The following PTPN4 variants were observed in gnomAD, a reference collection of about 807,000 sequenced individuals.
PTPN4 encodes the protein protein tyrosine phosphatase non-receptor type 4.
In PTPN4, 49 loss-of-function variants were observed where a neutral mutation model predicts 135.5. The ratio of observed to expected loss-of-function variants is 0.36; its 90% CI spans 0.29 to 0.46. The LOEUF is 0.46. PTPN4 is among the 20% of genes least tolerant of loss of function. PTPN4 has a pLI of 1.00. For synonymous variants in PTPN4, 333 were observed against 369.9 expected (o/e 0.90, Z 1.14); for missense variants, 860 against 1,101.0 (o/e 0.78, Z 3.10).
chr2:119,887,833 G>T (rs547725164), intron 9 of PTPN4, among the ~76,000 whole-genome samples: 1 of 151,984 alleles, frequency 6.6e-6, no homozygotes, highest in Non-Finnish European at 1.5e-5. Flanking sequence ...TTTTTGCTCC[G>T]GATTGCTTTG....
rs1341798709 is a variant in PTPN4, at chr2:119,932,491, G to A, written c.1138G>A (p.Asp380Asn). ...AGTAGTAAGCAGAAATTCAATATCT[G>A]ATGACAGGTTAGAAACACAAAGTCT... ...WEVVSRNSIS[D>N]DRLETQSLPS... The change falls in exon 14 of 27, where the codon GAT (aspartate) becomes AAT (asparagine). Residue 380 changes from aspartate to asparagine, a missense_variant. Asp to Asn is a conservative substitution (Grantham distance 23). Coordinates refer to ENST00000263708, the MANE Select transcript of PTPN4 (RefSeq NM_002830.4). 1 of 1,611,804 alleles carries A rather than the reference G, an allele frequency of 6.2e-7. No individual in the cohort carries two copies. Among genetic ancestry groups the A allele is most frequent in the Non-Finnish European group, 8.5e-7 (1 of 1,178,218 alleles).
intron 2 of PTPN4, among the ~76,000 whole-genome samples, chr2:119,810,925 A>G (rs1220655723): frequency 6.6e-6 from 1 of 152,126 alleles, no homozygotes; most frequent in Admixed American, 6.5e-5. Context: ...AAATAATAAT[A>G]TATGCAGTCT....
At chr2:119,939,408 C>T (rs1323343450) in intron 15 of PTPN4, among the ~76,000 whole-genome samples, 2 of 152,138 alleles carry the variant, frequency 1.3e-5, no homozygotes. Context: ...TCAAGTAATC[C>T]TCCCACCTCA....
intron 26 of PTPN4, among the ~76,000 whole-genome samples, chr2:119,976,689 T>TGAA (rs1469350259): frequency 7.9e-5 from 12 of 152,204 alleles, no homozygotes; most frequent in Non-Finnish European, 1.3e-4. Flanking sequence ...GATTGCTGGG[T>TGAA]GAAGAGGTAA....
intron 1 of PTPN4, among the ~76,000 whole-genome samples, chr2:119,790,523 G>T (rs1338981820): frequency 1.1e-4 from 16 of 151,516 alleles, no homozygotes. Flanking sequence ...TAGCTCTGTT[G>T]TTACTTTTTT....
rs1679655346 is a variant in PTPN4 at position 119,978,958 on chromosome 2, A to G, written c.*1888A>G. On this transcript the variant is annotated 3_prime_UTR_variant, in exon 27 of 27. Coordinates refer to ENST00000263708, the MANE Select transcript of PTPN4 (RefSeq NM_002830.4). ...TTAAAATATTTAAGTTTATTTAAAG[A>G]GAGAAGTAAACATAAACTTATGTCA... The G allele has an allele frequency of 6.6e-6, 1 of 152,100 alleles. No individual in the cohort carries two copies. Among genetic ancestry groups the G allele is most frequent in the Non-Finnish European group, 1.5e-5 (1 of 67,946 alleles). The allele number at this position is 152,100 out of a possible 1,614,324, so 9.4% of individuals were successfully genotyped here.
chr2:119,836,513 C>T (rs1295852820), intron 2 of PTPN4, among the ~76,000 whole-genome samples: 2 of 152,238 alleles, frequency 1.3e-5, no homozygotes, highest in Admixed American at 6.5e-5. Context: ...GGGGGACGCG[C>T]AGCTGGGGCT....
chr2:119,780,830 C>T (rs1690924221), intron 1 of PTPN4, among the ~76,000 whole-genome samples: 1 of 152,128 alleles, frequency 6.6e-6, no homozygotes, highest in Non-Finnish European at 1.5e-5. Context: ...GATTATGTAT[C>T]TTGTTACCCA....
intron 2 of PTPN4, among the ~76,000 whole-genome samples, chr2:119,814,245 A>G (rs1049294341): frequency 6.6e-6 from 1 of 152,078 alleles, no homozygotes; most frequent in Non-Finnish European, 1.5e-5. Context: ...CACTATGTAG[A>G]TTTTTTCTTA....
chr2:119,766,324 A>G (rs543314785), intron 1 of PTPN4, among the ~76,000 whole-genome samples: 2 of 152,386 alleles, frequency 1.3e-5, no homozygotes, highest in Admixed American at 6.5e-5. Flanking sequence ...AGAAATAAAT[A>G]TCAAATCCTA....
At chr2:119,973,938 C>T (rs1340401255) in intron 26 of PTPN4, among the ~76,000 whole-genome samples, 1 of 151,982 alleles carries the variant, frequency 6.6e-6, no homozygotes, top group Non-Finnish European at 1.5e-5. Flanking sequence ...TAATGATATT[C>T]TAATTCTATC....
chr2:119,773,977 G>A (rs1690783333), intron 1 of PTPN4, among the ~76,000 whole-genome samples: 1 of 152,280 alleles, frequency 6.6e-6, no homozygotes, highest in East Asian at 1.9e-4. Flanking sequence ...CTTACATAAT[G>A]TATTACTGTA....
chr2:119,771,923 C>G (rs867778905), intron 1 of PTPN4, among the ~76,000 whole-genome samples: 1 of 152,160 alleles, frequency 6.6e-6, no homozygotes, highest in Non-Finnish European at 1.5e-5. Context: ...CCAGAGTGAT[C>G]TGACATTCAT....
intron 1 of PTPN4, among the ~76,000 whole-genome samples, chr2:119,800,521 G>C (rs1017400861): frequency 7.1e-5 from 7 of 98,756 alleles, no homozygotes; most frequent in Non-Finnish European, 1.6e-4. Context: ...TAAATGTTTT[G>C]CAGGCTTTTT....
At chr2:119,763,816 A>G (rs1383224336) in intron 1 of PTPN4, among the ~76,000 whole-genome samples, 3 of 152,202 alleles carry the variant, frequency 2.0e-5, no homozygotes, top group African/African-American at 2.4e-5. Flanking sequence ...ATTTAAATTT[A>G]TAGCCAGATG....
intron 8 of PTPN4, among the ~76,000 whole-genome samples, chr2:119,883,816 G>A (rs1271282713): frequency 1.3e-5 from 2 of 152,160 alleles, no homozygotes; most frequent in Non-Finnish European, 2.9e-5. Flanking sequence ...ATAGCACATT[G>A]TAGGCACTGA....
intron 9 of PTPN4, among the ~76,000 whole-genome samples, chr2:119,887,868 T>C (rs1310712383): frequency 6.6e-6 from 1 of 152,144 alleles, no homozygotes; most frequent in African/African-American, 2.4e-5. Context: ...TTTTTGTTTC[T>C]ATATTAATTT....
intron 24 of PTPN4, among the ~76,000 whole-genome samples, chr2:119,964,780 A>T (rs145185851): frequency 1.3e-5 from 2 of 152,230 alleles, no homozygotes; most frequent in African/African-American, 2.4e-5. Context: ...TAATGAGTTT[A>T]TACATAACTT....
chr2:119,969,652 G>T (rs529145781), intron 26 of PTPN4, among the ~76,000 whole-genome samples: 1 of 133,860 alleles, frequency 7.5e-6, no homozygotes, highest in Non-Finnish European at 1.5e-5. Context: ...TCCGCCTCCC[G>T]GGATCACACC....
Sources: allele counts gnomAD v4.1 joint callset (sites outside exome capture counted in the v4.1 genomes callset), GRCh38; gene constraint gnomAD v4.1.1; transcripts MANE v1.5; gene names NCBI Gene and HGNC (gene_info 2026-07-23, HGNC 2026-07-21).